CNNM2: variants seen among roughly 807,000 people sequenced by gnomAD.
CNNM2 encodes cyclin and CBS domain divalent metal cation transport mediator 2.
Under a neutral mutation model 66.9 loss-of-function variants are expected in CNNM2, and 12 were observed. The observed-to-expected ratio is 0.18, with a 90% CI of 0.11 to 0.29. The LOEUF (loss-of-function observed/expected upper bound fraction) is 0.29. Ranked by LOEUF, CNNM2 falls within the 10% of genes least tolerant of loss-of-function variation. The pLI, the probability that CNNM2 is intolerant of heterozygous loss-of-function variation, is 1.00. For synonymous variants in CNNM2, 557 were observed against 501.8 expected (o/e 1.11, Z -1.47); for missense variants, 705 against 1,167.7 (o/e 0.60, Z 5.77).
intron 1 of CNNM2, among the ~76,000 whole-genome samples, chr10:103,022,780 A>G (rs2064612206): frequency 6.6e-6 from 1 of 152,196 alleles, no homozygotes; most frequent in African/African-American, 2.4e-5. Flanking sequence ...TACAGGAAGC[A>G]TGGCACTGGC....
intron 6 of CNNM2, among the ~76,000 whole-genome samples, chr10:103,073,978 CT>C (rs1380658333): frequency 6.6e-6 from 1 of 151,134 alleles, no homozygotes; most frequent in Non-Finnish European, 1.5e-5. Flanking sequence ...ATTTTTAATC[CT>C]TGTCAGACCT....
rs1409201026 is a variant in CNNM2 at position 103,089,141 on chromosome 10, T to G, written c.*11961T>G. On this transcript the variant is annotated 3_prime_UTR_variant, in exon 8 of 8. Coordinates refer to ENST00000369878, the MANE Select transcript of CNNM2 (RefSeq NM_017649.5). ...TGATAGAGAAGCAGCCTTGCCAGAG[T>G]CACTGAGGATGAATTAAAGGCTTAT... The G allele has an allele frequency of 4.4e-6, 1 of 227,138 alleles. No individual in the cohort carries two copies. The allele number at this position is 227,138 out of a possible 1,614,324, so 14.1% of individuals were successfully genotyped here.
In CNNM2 at chr10:103,080,538, C is replaced by A. The variant is rs1564875793; in HGVS notation, c.*3358C>A. The A allele has an allele frequency of 6.6e-6, 1 of 152,194 alleles. No individual in the cohort carries two copies. The highest frequency in any genetic ancestry group is 1.5e-5 in the Non-Finnish European group (1 of 68,042). 9.4% of individuals were successfully genotyped at this position (152,194 alleles called of 1,614,324 possible). ...AACTCTGTTCTTTCCTCCCTCCTCACCTCACTCCCTGCAGGGAGTTCAATG... is the reference window on the plus strand; with the variant it reads ...AACTCTGTTCTTTCCTCCCTCCTCAACTCACTCCCTGCAGGGAGTTCAATG... On this transcript the variant is annotated 3_prime_UTR_variant, in exon 8 of 8. Transcript: ENST00000369878.
intron 4 of CNNM2, among the ~76,000 whole-genome samples, chr10:103,064,528 A>G (rs1157425037): frequency 6.6e-6 from 1 of 151,364 alleles, no homozygotes; most frequent in East Asian, 2.0e-4. Flanking sequence ...GTGCCTGGCA[A>G]TAGTTGTGTT....
At chr10:103,026,705 G>A (rs1474688231) in intron 1 of CNNM2, among the ~76,000 whole-genome samples, 3 of 151,164 alleles carry the variant, frequency 2.0e-5, no homozygotes, top group Non-Finnish European at 4.4e-5. Context: ...GTACTAGATA[G>A]CAGTCTATTA....
chr10:103,002,139 T>C (rs1590376346), intron 1 of CNNM2, among the ~76,000 whole-genome samples: 1 of 152,160 alleles, frequency 6.6e-6, no homozygotes, highest in African/African-American at 2.4e-5. Flanking sequence ...GAATTGGACA[T>C]CACAGTTAAA....
At chr10:102,968,467 G>A (rs980250117) in intron 1 of CNNM2, among the ~76,000 whole-genome samples, 7 of 152,108 alleles carry the variant, frequency 4.6e-5, no homozygotes, top group Admixed American at 1.3e-4. Context: ...GGCTTGTCTC[G>A]AACTCCTAAC....
chr10:103,037,588 G>A (rs2064965271), intron 1 of CNNM2, among the ~76,000 whole-genome samples: 1 of 152,112 alleles, frequency 6.6e-6, no homozygotes, highest in South Asian at 2.1e-4. Flanking sequence ...TCTCTGTAAT[G>A]ATGACTTAGA....
chr10:102,934,640 G>T (rs1214142027), intron 1 of CNNM2, among the ~76,000 whole-genome samples: 1 of 152,024 alleles, frequency 6.6e-6, no homozygotes. Flanking sequence ...ATCAGTCTAG[G>T]GACTTGGGAT....
intron 5 of CNNM2, among the ~76,000 whole-genome samples, chr10:103,070,324 G>A (rs141755030): frequency 1.3e-5 from 2 of 152,010 alleles, no homozygotes; most frequent in African/African-American, 2.4e-5. Context: ...GGTGTTGAGC[G>A]AGGCCCTTGG....
chr10:103,071,723 T>G, intron 5 of CNNM2, 51 bp from the exon 6 acceptor site: 1 of 1,401,016 alleles, frequency 7.1e-7, no homozygotes, highest in South Asian at 1.2e-5. Flanking sequence ...TACAGAGATC[T>G]CTGTTCTTGC....
At chr10:102,986,514 G>A (rs577800841) in intron 1 of CNNM2, among the ~76,000 whole-genome samples, 1 of 152,214 alleles carries the variant, frequency 6.6e-6, no homozygotes, top group South Asian at 2.1e-4. Context: ...TGGGCGCGGT[G>A]GCTCACGCCT....
At chr10:102,921,072 C>A in intron 1 of CNNM2, 1 of 975,240 alleles carries the variant, frequency 1.0e-6, no homozygotes, top group Non-Finnish European at 1.2e-6. Context: ...GATGCTTATA[C>A]AGTACATCAT....
At chr10:103,072,729 ATTTATC>A (rs2134366103) in intron 6 of CNNM2, among the ~76,000 whole-genome samples, 1 of 152,342 alleles carries the variant, frequency 6.6e-6, no homozygotes, top group African/African-American at 2.4e-5. Context: ...ATTTTCCTAT[ATTTATC>A]TTCGGAGTTT....
At chr10:102,923,085 A>G (rs1007420984) in intron 1 of CNNM2, among the ~76,000 whole-genome samples, 2 of 152,130 alleles carry the variant, frequency 1.3e-5, no homozygotes, top group Non-Finnish European at 2.9e-5. Flanking sequence ...GTGGGAAGAA[A>G]AGCCACCTTT....
chr10:103,049,602 G>A (rs2065183548), intron 1 of CNNM2, 105 bp from the exon 2 acceptor site: 21 of 1,068,158 alleles, frequency 2.0e-5, no homozygotes, highest in Non-Finnish European at 2.9e-5. Context: ...CAGAGATTTT[G>A]ATAATTCGAC....
chr10:103,011,159 A>C (rs1174986392), intron 1 of CNNM2, among the ~76,000 whole-genome samples: 1 of 152,210 alleles, frequency 6.6e-6, no homozygotes, highest in Non-Finnish European at 1.5e-5. Flanking sequence ...TTCTTTGCTT[A>C]ATAAAAGCAT....
intron 1 of CNNM2, among the ~76,000 whole-genome samples, chr10:102,962,746 AT>A (rs910408696): frequency 1.9e-4 from 29 of 149,410 alleles, no homozygotes; most frequent in African/African-American, 7.1e-4. Context: ...TAGTATACCT[AT>A]TTTACCATCA....
At chr10:103,042,584 G>A (rs564020024) in intron 1 of CNNM2, among the ~76,000 whole-genome samples, 1 of 152,282 alleles carries the variant, frequency 6.6e-6, no homozygotes, top group South Asian at 2.1e-4. Context: ...TATGGGCCTG[G>A]CACATAGTAG....
Sources: allele counts gnomAD v4.1 joint callset (sites outside exome capture counted in the v4.1 genomes callset), GRCh38; gene constraint gnomAD v4.1.1; transcripts MANE v1.5; gene names NCBI Gene and HGNC (gene_info 2026-07-23, HGNC 2026-07-21).